The following GGNBP2 variants were observed in gnomAD, a reference collection of about 807,000 sequenced individuals.
GGNBP2 encodes the protein gametogenetin-binding protein 2.
Under a neutral mutation model 85.9 loss-of-function variants are expected in GGNBP2, and 10 were observed. That is an observed-to-expected ratio of 0.12 (90% CI 0.07 to 0.20). The LOEUF (loss-of-function observed/expected upper bound fraction) is 0.20, where lower values mean the gene tolerates loss of function less well. Ranked by LOEUF, GGNBP2 falls within the 10% of genes least tolerant of loss-of-function variation. The probability of loss-of-function intolerance (pLI) is 1.00; values close to 1 mark genes in which losing one functional copy is unlikely to be tolerated. For missense variants in GGNBP2, 595 were observed against 857.8 expected (o/e 0.69, Z 3.83); for synonymous variants, 287 against 285.7 (o/e 1.00, Z -0.05).
In GGNBP2 at chr17:36,585,511, G is replaced by A. The variant is rs2074692588; in HGVS notation, c.1366+61G>A. 8 of 1,191,594 alleles carry A rather than the reference G, an allele frequency of 6.7e-6. No individual in the cohort carries two copies. In the Admixed American group the frequency reaches 1.2e-4, roughly 18 times the overall value. 73.8% of individuals were successfully genotyped at this position (1,191,594 alleles called of 1,614,324 possible). A position where few individuals can be genotyped will look rare whatever the true frequency, so the allele number is the denominator to read the frequency against. On this transcript the variant is annotated intron_variant, in intron 10 of 13. Coordinates refer to ENST00000613102, the MANE Select transcript of GGNBP2 (RefSeq NM_024835.5). The stretch of plus-strand genomic sequence containing the variant: ...ACTCTATTCTTTCTTACTGTTAAAT[G>A]TAAGAGCTTTTAGAGATTCTGTGAG...
chr17:36,588,852 G>C (rs2074730043), intron 13 of GGNBP2, among the ~76,000 whole-genome samples: 1 of 152,176 alleles, frequency 6.6e-6, no homozygotes, highest in East Asian at 1.9e-4. Flanking sequence ...AGAGATGACT[G>C]TTTCAAGATA....
At chr17:36,546,563 A>G (rs1388072891) in intron 2 of GGNBP2, 1 of 152,180 alleles carries the variant, frequency 6.6e-6, no homozygotes, top group African/African-American at 2.4e-5. Flanking sequence ...TTGGTAGTGT[A>G]GCATTATCGA....
chr17:36,571,720 G>A (rs1410638224), intron 6 of GGNBP2, among the ~76,000 whole-genome samples: 2 of 152,186 alleles, frequency 1.3e-5, no homozygotes, highest in African/African-American at 4.8e-5. Context: ...GCGGGCGCCT[G>A]TAGTCCCAGC....
At chr17:36,558,987 C>G (rs1472820009) in intron 4 of GGNBP2, among the ~76,000 whole-genome samples, 1 of 151,902 alleles carries the variant, frequency 6.6e-6, no homozygotes, top group African/African-American at 2.4e-5. Context: ...AAAGATGATT[C>G]TCAGATTTGT....
chr17:36,587,064 C>T lies in GGNBP2; in HGVS notation c.1709C>T (p.Thr570Ile), dbSNP rs781374727. 2.5e-6 allele frequency: 4 copies of T among 1,613,868 alleles called. No individual in the cohort carries two copies. The highest frequency in any genetic ancestry group is 3.3e-5 in the Admixed American group (2 of 60,000). Residue 570 changes from threonine to isoleucine, a missense_variant, in exon 13 of 14, where the codon ACA becomes ATA. Coordinates refer to ENST00000613102, the MANE Select transcript of GGNBP2 (RefSeq NM_024835.5). ...GAGACCTCAGGAAATACCATGCACA[C>T]AGTGTTTCACCGTGACAAGACCAAA... The part of the protein sequence containing the change: ...NRETSGNTMH[T>I]VFHRDKTKDT...
chr17:36,587,278 C>A, intron 13 of GGNBP2, 33 bp downstream of exon 13: 2 of 1,607,898 alleles, frequency 1.2e-6, no homozygotes, highest in Non-Finnish European at 1.7e-6. Flanking sequence ...CTGTACATAA[C>A]TGTTTGGGAA....
At chr17:36,587,545 G>A in intron 13 of GGNBP2, 1 of 300,130 alleles carries the variant, frequency 3.3e-6, no homozygotes, top group Non-Finnish European at 6.4e-6. Context: ...ACTGCGAGTT[G>A]AAAATACATT....
chr17:36,575,646 ATATT>A (rs1473944745), intron 6 of GGNBP2, among the ~76,000 whole-genome samples: 17 of 54,598 alleles, frequency 3.1e-4, no homozygotes, highest in South Asian at 7.1e-4. Flanking sequence ...ATATATATAT[ATATT>A]TTTTTTTTTT....
intron 9 of GGNBP2, among the ~76,000 whole-genome samples, chr17:36,582,685 TTTA>T (rs1305004209): frequency 6.6e-6 from 1 of 152,246 alleles, no homozygotes; most frequent in Non-Finnish European, 1.5e-5. Context: ...ATGTCTATGT[TTTA>T]TTAAGACAAT....
At chr17:36,545,522 C>G (rs2074242245) in intron 1 of GGNBP2, 97 bp from the exon 2 acceptor site, 1 of 472,484 alleles carries the variant, frequency 2.1e-6, no homozygotes, top group South Asian at 3.4e-5. Flanking sequence ...AAACGCAGCC[C>G]GGCTCTCCCG....
At chr17:36,547,936 C>T (rs2074270235) in intron 2 of GGNBP2, among the ~76,000 whole-genome samples, 2 of 152,108 alleles carry the variant, frequency 1.3e-5, no homozygotes, top group Admixed American at 1.3e-4. Flanking sequence ...GATATTCTAC[C>T]AAATACTACT....
intron 6 of GGNBP2, among the ~76,000 whole-genome samples, chr17:36,575,648 A>ATATATATTTTTTTTT (rs374366757): frequency 3.6e-5 from 2 of 54,906 alleles, no homozygotes; most frequent in East Asian, 6.3e-4. Flanking sequence ...ATATATATAT[A>ATATATATTTTTTTTT]TTTTTTTTTT....
intron 5 of GGNBP2, 122 bp from the exon 6 acceptor site, chr17:36,567,541 A>G (rs1022265954): frequency 4.9e-6 from 3 of 614,332 alleles, no homozygotes; most frequent in African/African-American, 3.7e-5. Flanking sequence ...ATCATTTTCC[A>G]TTATGGACGT....
In GGNBP2 at chr17:36,560,753, T is replaced by G. The variant is rs1482531341; in HGVS notation, c.429-20T>G. 2 of 1,247,610 alleles carry G rather than the reference T, an allele frequency of 1.6e-6. No homozygotes were observed. Among genetic ancestry groups the G allele is most frequent in the Non-Finnish European group, 2.3e-6 (2 of 871,532 alleles). 77.3% of individuals were successfully genotyped at this position (1,247,610 alleles called of 1,614,324 possible). On this transcript the variant is annotated intron_variant, in intron 4 of 13. Transcript: ENST00000613102. ...AAAGTAAAATGAATTAAACCCTTAA[T>G]ATGTTTTATTTTTAATTAGGTCCAA...
Position 36,545,811 on chromosome 17 carries a change from C to A in GGNBP2, c.87C>A (p.Thr29=). The A allele has an allele frequency of 6.4e-7, 1 of 1,557,314 alleles. No individual in the cohort carries two copies. Among genetic ancestry groups the A allele is most frequent in the Non-Finnish European group, 8.7e-7 (1 of 1,150,544 alleles). ...AGATTCCCCTCTACATAGACGACAC[C>A]CTGACGGTGAGCGGGCCGGGCCGGG... ...RRQIPLYIDD[T]LTMVMEFPDN... is the part of the protein sequence containing the mutation. The change falls in exon 2 of 14, where the codon ACC becomes ACA. Residue 29 remains threonine (T), a synonymous_variant. Transcript: ENST00000613102.
Position 36,561,343 on chromosome 17 carries a change from C to T in GGNBP2, c.527+472C>T, listed in dbSNP as rs1415433507. Among the ~76,000 whole-genome samples, 7 of 151,956 alleles carry T rather than the reference C, an allele frequency of 4.6e-5. No individual in the cohort carries two copies. The East Asian group carries it at 1.2e-3, about 25-fold the overall frequency. ...TTCACCCTATTGGCCAGGCTGGTCT[C>T]GGACTCCTGACCTCAGGTGATCGCC... is the stretch of plus-strand genomic sequence containing the variant. On this transcript the variant is annotated intron_variant, in intron 5 of 13. Coordinates refer to ENST00000613102, the MANE Select transcript of GGNBP2 (RefSeq NM_024835.5).
At position 36,545,737 on chromosome 17, in the gene GGNBP2, G is replaced by A; in HGVS notation, c.13G>A (p.Val5Met). The A allele has an allele frequency of 6.4e-7, 1 of 1,574,216 alleles. No homozygotes were observed. The highest frequency in any genetic ancestry group is 8.6e-7 in the Non-Finnish European group (1 of 1,160,576). Residue 5 changes from valine (V) to methionine (M), a missense_variant, in exon 2 of 14, where the codon GTG becomes ATG. Val to Met is a conservative substitution (Grantham distance 21, BLOSUM62 1). This residue lies in a region of GGNBP2 where 216 missense variants were observed against 293.4 expected (regional missense o/e 0.74). Transcript: ENST00000613102. The stretch of plus-strand genomic sequence containing the variant: ...AGCGTCGGGGACGATGGCGCGACTC[G>A]TGGCAGTGTGCAGGGACGGGGAGGA... MARL[V>M]AVCRDGEEEF...
rs972529897 is a variant in GGNBP2, at chr17:36,545,766, G to T, written c.42G>T (p.Glu14Asp). 1 of 1,583,834 alleles carries T rather than the reference G, an allele frequency of 6.3e-7. No homozygotes were observed. The change falls in exon 2 of 14, where the codon GAG (glutamate) becomes GAT (aspartate). Residue 14 changes from glutamate (E) to aspartate (D), a missense_variant. By Grantham distance (45) the Glu-to-Asp change is conservative. Coordinates refer to ENST00000613102, the MANE Select transcript of GGNBP2 (RefSeq NM_024835.5). ...CAGTGTGCAGGGACGGGGAGGAGGA[G>T]TTCCCCTTCGAGAGGAGGCAGATTC... Reference protein sequence around the residue: ...LVAVCRDGEEEFPFERRQIPL... With the variant: ...LVAVCRDGEEDFPFERRQIPL...
chr17:36,581,562 TTAAG>T (rs2074650378), intron 9 of GGNBP2, 24 bp downstream of exon 9: 1 of 1,548,354 alleles, frequency 6.5e-7, no homozygotes, highest in African/African-American at 1.4e-5. Context: ...ATATCAACTC[TTAAG>T]TGTGTATGTA....
Sources: allele counts gnomAD v4.1 joint callset (sites outside exome capture counted in the v4.1 genomes callset), GRCh38; gene constraint gnomAD v4.1.1; regional missense constraint gnomAD v4.1.1; transcripts MANE v1.5; gene names NCBI Gene and HGNC (gene_info 2026-07-23, HGNC 2026-07-21).